Variants in CALN1 observed in about 807,000 individuals in gnomAD.
The protein encoded by CALN1 is calcium-binding protein 8.
In CALN1, 17 loss-of-function variants were observed where a neutral mutation model predicts 30.6. That is an observed-to-expected ratio of 0.56 (90% confidence interval 0.38 to 0.83). CALN1 has a LOEUF of 0.83. Ranked by LOEUF, CALN1 falls within the 40% of genes least tolerant of loss-of-function variation. The pLI is 0.00. For synonymous variants in CALN1, 156 were observed against 131.4 expected (o/e 1.19, Z -1.28); for missense variants, 291 against 354.9 (o/e 0.82, Z 1.45).
intron 3 of CALN1, among the ~76,000 whole-genome samples, chr7:72,203,681 C>T (rs2677285): frequency 0.018 from 2,770 of 152,334 alleles, 69 homozygotes; most frequent in African/African-American, 0.063. Context: ...ATTATGTACA[C>T]TGCTGGATGC....
At chr7:72,201,680 C>T (rs911177497) in intron 3 of CALN1, among the ~76,000 whole-genome samples, 3 of 150,494 alleles carry the variant, frequency 2.0e-5, no homozygotes, top group Non-Finnish European at 4.4e-5. Flanking sequence ...TCCCAAACCT[C>T]AGCATCATGA....
chr7:71,873,219 G>C (rs1279577310), intron 5 of CALN1, among the ~76,000 whole-genome samples: 1 of 151,884 alleles, frequency 6.6e-6, no homozygotes, highest in African/African-American at 2.4e-5. Flanking sequence ...GGCCAGCCAG[G>C]CAGGTCTCGA....
chr7:72,461,164 C>T, the CALN1 span, among the ~76,000 whole-genome samples: 87 of 152,210 alleles, frequency 5.7e-4, no homozygotes, highest in African/African-American at 2.0e-3. Flanking sequence ...CAAAAAGTAA[C>T]ACATCGGTGA....
chr7:71,964,114 A>G (rs754853468), intron 5 of CALN1, among the ~76,000 whole-genome samples: 187 of 152,216 alleles, frequency 1.2e-3, no homozygotes, highest in Non-Finnish European at 2.0e-3. Context: ...TAAGTATGTC[A>G]TATCATATAC....
At chr7:72,150,593 G>T (rs948809058) in intron 3 of CALN1, among the ~76,000 whole-genome samples, 7 of 152,184 alleles carry the variant, frequency 4.6e-5, no homozygotes, top group Admixed American at 1.3e-4. Flanking sequence ...GCCTAGGCAG[G>T]GAACAACCAA....
At chr7:72,404,277 G>A (rs955992008) in intron 1 of CALN1, among the ~76,000 whole-genome samples, 6 of 152,172 alleles carry the variant, frequency 3.9e-5, no homozygotes, top group African/African-American at 1.2e-4. Context: ...CCCCAGGCAG[G>A]GAAGAGCTCA....
chr7:72,433,868 G>A (rs574317028), intron 1 of CALN1, among the ~76,000 whole-genome samples: 1 of 151,780 alleles, frequency 6.6e-6, no homozygotes, highest in South Asian at 2.1e-4. Context: ...ACCAGCCTGG[G>A]CAACATAACA....
chr7:72,386,514 A>C (rs1485147739), intron 2 of CALN1, among the ~76,000 whole-genome samples: 1 of 152,188 alleles, frequency 6.6e-6, no homozygotes, highest in Non-Finnish European at 1.5e-5. Flanking sequence ...CAAGCAAATA[A>C]ATGGTGGATG....
intron 6 of CALN1, among the ~76,000 whole-genome samples, chr7:71,805,568 T>C (rs1267808669): frequency 6.6e-6 from 1 of 152,132 alleles, no homozygotes; most frequent in East Asian, 1.9e-4. Flanking sequence ...TCTGCCCCGA[T>C]ACACCTTAGA....
At chr7:71,910,987 T>C (rs557584890) in intron 5 of CALN1, among the ~76,000 whole-genome samples, 1 of 152,132 alleles carries the variant, frequency 6.6e-6, no homozygotes. Context: ...AGGTATGAAC[T>C]TGTAGGGGGA....
Position 71,909,334 on chromosome 7 carries a change from T to C in CALN1, c.502-98842A>G, listed in dbSNP as rs531640920. ...GTTTCTCATTGCGGCAAGCCATCTT[T>C]ATTTGTCGAATGTATTTCCTTGCGA... On this transcript the variant is annotated intron_variant, in intron 5 of 6. Transcript: ENST00000395275. Among the ~76,000 whole-genome samples the C allele has an allele frequency of 1.1e-4, 16 of 152,318 alleles. No homozygotes were observed. In the East Asian group the frequency reaches 3.1e-3, roughly 29 times the overall value.
chr7:72,363,950 G>C (rs573951933), intron 2 of CALN1, among the ~76,000 whole-genome samples: 15 of 152,020 alleles, frequency 9.9e-5, no homozygotes, highest in African/African-American at 3.4e-4. Context: ...GGCCAGGCTG[G>C]TCTCAAACCC....
intron 3 of CALN1, among the ~76,000 whole-genome samples, chr7:72,129,213 G>A (rs993342826): frequency 1.3e-5 from 2 of 152,138 alleles, no homozygotes; most frequent in African/African-American, 4.8e-5. Context: ...AGATCAAATG[G>A]TTTGATAACA....
At chr7:71,946,072 A>T (rs1270235584) in intron 5 of CALN1, among the ~76,000 whole-genome samples, 1 of 152,180 alleles carries the variant, frequency 6.6e-6, no homozygotes, top group East Asian at 1.9e-4. Context: ...TGGAAGCTCA[A>T]ATGCAGACTT....
Position 72,403,487 on chromosome 7 carries a change from G to A in CALN1, c.-73-45C>T, listed in dbSNP as rs373135757. On this transcript the variant is annotated intron_variant, in intron 1 of 6. Transcript: ENST00000395275. ...ACTTACAGCCTGCACAGTGCTGGGC[G>A]ATTATTCTTCTCAAAGCCTGCCGCC... 220 of 710,804 alleles carry A rather than the reference G, an allele frequency of 3.1e-4. 1 individual carries two copies. The highest frequency in any genetic ancestry group is 1.6e-3 in the Middle Eastern group (6 of 3,660). 44.0% of individuals were successfully genotyped at this position (710,804 alleles called of 1,614,324 possible). A position where few individuals can be genotyped will look rare whatever the true frequency, so the allele number is the denominator to read the frequency against.
At chr7:72,109,259 C>A (rs985082614) in intron 3 of CALN1, among the ~76,000 whole-genome samples, 1 of 152,110 alleles carries the variant, frequency 6.6e-6, no homozygotes, top group African/African-American at 2.4e-5. Flanking sequence ...GCACCAGGAC[C>A]CTAGGCTCCC....
chr7:72,473,939 A>AG, the CALN1 span, among the ~76,000 whole-genome samples: 179 of 150,782 alleles, frequency 1.2e-3, 3 homozygotes, highest in Admixed American at 6.4e-3. Context: ...AAAAAAAAAA[A>AG]AAAGAAAGAA....
intron 2 of CALN1, among the ~76,000 whole-genome samples, chr7:72,324,460 ATAT>A (rs1319936932): frequency 6.6e-6 from 1 of 151,856 alleles, no homozygotes; most frequent in Non-Finnish European, 1.5e-5. Context: ...TTCCCTCCTA[ATAT>A]TATTCCCCAA....
chr7:71,991,374 A>T (rs1798943061), intron 5 of CALN1, among the ~76,000 whole-genome samples: 1 of 151,892 alleles, frequency 6.6e-6, no homozygotes, highest in South Asian at 2.1e-4. Context: ...CAGGAGAATC[A>T]CTTGAACCCA....
Sources: allele counts gnomAD v4.1 joint callset (sites outside exome capture counted in the v4.1 genomes callset), GRCh38; gene constraint gnomAD v4.1.1; transcripts MANE v1.5; gene names NCBI Gene and HGNC (gene_info 2026-07-23, HGNC 2026-07-21).